The following CEP120 variants were observed in gnomAD, a reference collection of about 807,000 sequenced individuals.
CEP120 encodes centrosomal protein of 120 kDa.
Under a neutral mutation model 126.5 loss-of-function variants are expected in CEP120, and 113 were observed. The ratio of observed to expected loss-of-function variants is 0.89; its 90% confidence interval spans 0.77 to 1.04. The LOEUF (loss-of-function observed/expected upper bound fraction) is 1.04. Ranked by LOEUF, CEP120 falls within the 50% of genes least tolerant of loss-of-function variation. The pLI is 0.00. For missense variants in CEP120, 1,230 were observed against 1,155.7 expected, an observed-to-expected ratio of 1.06 and a Z score of -0.93; for synonymous variants, 400 against 394.3, an observed-to-expected ratio of 1.01 and a Z score of -0.17.
intron 3 of CEP120, among the ~76,000 whole-genome samples, chr5:123,412,988 T>C (rs925120019): frequency 1.3e-5 from 2 of 152,144 alleles, no homozygotes; most frequent in Non-Finnish European, 2.9e-5. Flanking sequence ...TAGGAAAATC[T>C]TGGATGGGTG....
At chr5:123,377,798 T>G (rs1474358897) in intron 15 of CEP120, among the ~76,000 whole-genome samples, 1 of 152,132 alleles carries the variant, frequency 6.6e-6, no homozygotes, top group Admixed American at 6.6e-5. Context: ...AACATTTCCA[T>G]TTGAATAAAA....
chr5:123,391,063 G>A lies in CEP120; in HGVS notation c.1038+47C>T, dbSNP rs1254221410. The A allele has an allele frequency of 4.4e-6, 6 of 1,363,446 alleles. No homozygotes were observed. In the South Asian group the frequency reaches 6.4e-5, roughly 14 times the overall value. 84.5% of individuals were successfully genotyped at this position (1,363,446 alleles called of 1,614,324 possible). On this transcript the variant is annotated intron_variant, in intron 7 of 19. Transcript: ENST00000306467. ...AAATTCAACTTTTGTAAGTAATCATGCATGGGACTAGTGAAGCCAGGGGAA... is the reference window on the plus strand; with the variant it reads ...AAATTCAACTTTTGTAAGTAATCATACATGGGACTAGTGAAGCCAGGGGAA...
chr5:123,360,866 A>G (rs1364936192), intron 18 of CEP120, among the ~76,000 whole-genome samples: 1 of 151,864 alleles, frequency 6.6e-6, no homozygotes, highest in African/African-American at 2.4e-5. Flanking sequence ...GGGGGATTCT[A>G]TTCAGAACAC....
rs891338561 is a variant in CEP120, at chr5:123,378,372, C to G, written c.2160G>C (p.Glu720Asp). 1.4e-5 allele frequency: 22 copies of G among 1,607,924 alleles called. No individual in the cohort carries two copies. Among genetic ancestry groups the G allele is most frequent in the Admixed American group, 1.7e-5 (1 of 58,954 alleles). Residue 720 changes from glutamate to aspartate, a missense_variant, in exon 15 of 20, where the codon GAG (glutamate) becomes GAC (aspartate). By Grantham distance (45) the Glu-to-Asp change is conservative (BLOSUM62 2). Coordinates refer to ENST00000306467, the MANE Select transcript of CEP120 (RefSeq NM_001375405.1). ...CACTAGCAAGCTGCTGCTCTCGCTT[C>G]TCCAAGTCAATTAGAGTTTTTTGAA... ...GKLQKTLIDLEKREQQLASVE... is the reference protein window; with the variant it reads ...GKLQKTLIDLDKREQQLASVE...
intron 6 of CEP120, among the ~76,000 whole-genome samples, chr5:123,392,786 AG>A (rs1343935881): frequency 2.0e-5 from 3 of 152,230 alleles, no homozygotes; most frequent in Non-Finnish European, 4.4e-5. Flanking sequence ...CTGGAATTAT[AG>A]GTGTGAGCTA....
At chr5:123,362,155 A>T (rs1770128823) in intron 18 of CEP120, among the ~76,000 whole-genome samples, 1 of 151,748 alleles carries the variant, frequency 6.6e-6, no homozygotes, top group Non-Finnish European at 1.5e-5. Context: ...GCACTTAAAT[A>T]TCTTGGCATC....
At chr5:123,420,616 GA>G (rs1397632138) in intron 1 of CEP120, among the ~76,000 whole-genome samples, 1 of 152,160 alleles carries the variant, frequency 6.6e-6, no homozygotes, top group East Asian at 1.9e-4. Flanking sequence ...TTAGGACACT[GA>G]AGGACTTTAA....
rs1768836368 is a variant in CEP120 at position 123,346,620 on chromosome 5, T to C, written c.2860A>G (p.Thr954Ala). 2.5e-6 allele frequency: 4 copies of C among 1,614,008 alleles called. No homozygotes were observed. Among genetic ancestry groups the C allele is most frequent in the Non-Finnish European group, 2.5e-6 (3 of 1,179,938 alleles). Residue 954 changes from threonine to alanine, a missense_variant, in exon 20 of 20, where the codon ACT (threonine) becomes GCT (alanine). Thr to Ala is a moderately conservative substitution (Grantham distance 58). Transcript: ENST00000306467. ...YLTRLIEERDTLMRTGVYNHE... is the reference protein window; with the variant it reads ...YLTRLIEERDALMRTGVYNHE... ...TTATACACACCCGTTCTCATCAAAG[T>C]ATCCCTTTCTTCTATCAGGCGAGTC...
chr5:123,412,469 A>G lies in CEP120; in HGVS notation c.393T>C (p.Ala131=). 6.2e-7 allele frequency: 1 copy of G among 1,612,274 alleles called. No homozygotes were observed. The highest frequency in any genetic ancestry group is 8.5e-7 in the Non-Finnish European group (1 of 1,179,120). Residue 131 remains alanine, a synonymous_variant, in exon 4 of 20, where the codon GCT becomes GCC. Transcript: ENST00000306467. ...CTGGTGGCTTTGTATCGGTTTCCAA[A>G]GCAATACTTATCTGTATCTCAGACT... ...KFKSEIQISI[A]LETDTKPPVD...
At chr5:123,403,934 A>T (rs1450350951) in intron 4 of CEP120, among the ~76,000 whole-genome samples, 2 of 152,238 alleles carry the variant, frequency 1.3e-5, no homozygotes, top group Non-Finnish European at 2.9e-5. Context: ...AAAGGAAATT[A>T]TTGGGAAAAG....
chr5:123,385,477 C>T (rs1349126208), intron 10 of CEP120, among the ~76,000 whole-genome samples: 1 of 152,168 alleles, frequency 6.6e-6, no homozygotes, highest in Admixed American at 6.5e-5. Context: ...AAGCAATAGG[C>T]TATTCCACCC....
At chr5:123,420,721 G>T (rs1048451225) in intron 1 of CEP120, among the ~76,000 whole-genome samples, 5 of 152,192 alleles carry the variant, frequency 3.3e-5, no homozygotes, top group Non-Finnish European at 7.3e-5. Context: ...TGAAGAATCA[G>T]ACTACTGAAA....
At chr5:123,378,090 TA>T (rs1237470114) in intron 15 of CEP120, among the ~76,000 whole-genome samples, 13 of 152,012 alleles carry the variant, frequency 8.6e-5, no homozygotes, top group Admixed American at 7.2e-4. Context: ...CTCTGTGAAA[TA>T]AAGATATATG....
chr5:123,390,056 G>A lies in CEP120; in HGVS notation c.1123C>T (p.Leu375Phe), dbSNP rs1772290995. 6.2e-7 allele frequency: 1 copy of A among 1,614,018 alleles called. No individual in the cohort carries two copies. Among genetic ancestry groups the A allele is most frequent in the Non-Finnish European group, 8.5e-7 (1 of 1,180,002 alleles). The change falls in exon 8 of 20, where the codon CTT becomes TTT. Residue 375 changes from leucine (L) to phenylalanine (F), a missense_variant. Leu to Phe is a conservative substitution (Grantham distance 22). Coordinates refer to ENST00000306467, the MANE Select transcript of CEP120 (RefSeq NM_001375405.1). ...KVLTPIKEKTLTGPKSPTVSP... is the reference protein window; with the variant it reads ...KVLTPIKEKTFTGPKSPTVSP... ...ACTGTTGGTGATTTTGGCCCAGTAA[G>A]TGTCTTCTCCTTTATGGGGGTTAAA...
chr5:123,374,766 T>C (rs1019522605), intron 16 of CEP120, among the ~76,000 whole-genome samples: 6 of 152,162 alleles, frequency 3.9e-5, no homozygotes, highest in Admixed American at 3.9e-4. Context: ...GAAACCTTTC[T>C]AAAGTCTCTC....
chr5:123,399,597 TAAG>T (rs1773039351), intron 4 of CEP120, among the ~76,000 whole-genome samples: 2 of 152,074 alleles, frequency 1.3e-5, no homozygotes, highest in Non-Finnish European at 2.9e-5. Flanking sequence ...TAGATATGGC[TAAG>T]AAGAAAAGGG....
chr5:123,402,819 A>T (rs1773354818), intron 4 of CEP120, among the ~76,000 whole-genome samples: 1 of 152,228 alleles, frequency 6.6e-6, no homozygotes, highest in Non-Finnish European at 1.5e-5. Flanking sequence ...ATGTGATGGT[A>T]TTAGGAGATA....
At chr5:123,412,579 T>C in intron 3 of CEP120, 39 bp from the exon 4 acceptor site, 1 of 1,477,672 alleles carries the variant, frequency 6.8e-7, no homozygotes, top group Non-Finnish European at 9.2e-7. Flanking sequence ...TAATAGTTAA[T>C]AAGGGAAAAA....
chr5:123,370,741 T>G (rs1010647053), intron 17 of CEP120, among the ~76,000 whole-genome samples: 2 of 146,866 alleles, frequency 1.4e-5, no homozygotes, highest in African/African-American at 5.1e-5. Flanking sequence ...ATATAATGTA[T>G]GTATTATAAT....
Sources: allele counts gnomAD v4.1 joint callset (sites outside exome capture counted in the v4.1 genomes callset), GRCh38; gene constraint gnomAD v4.1.1; transcripts MANE v1.5; gene names NCBI Gene and HGNC (gene_info 2026-07-23, HGNC 2026-07-21).